BTBD8: variants seen among roughly 807,000 people sequenced by gnomAD.
BTBD8 encodes the protein BTB domain containing 8.
Under a neutral mutation model 162.9 loss-of-function variants are expected in BTBD8, and 110 were observed. The ratio of observed to expected loss-of-function variants is 0.68; its 90% CI spans 0.58 to 0.79. The LOEUF is 0.79. Among genes scored for constraint, BTBD8 ranks in the 30% least tolerant of loss-of-function variants. BTBD8 has a pLI of 0.00. For synonymous variants in BTBD8, 667 were observed against 716.1 expected, an observed-to-expected ratio of 0.93 and a Z score of 1.10; for missense variants, 1,905 against 2,085.4, an observed-to-expected ratio of 0.91 and a Z score of 1.68.
At chr1:92,081,864 G>A (rs1385027403) in intron 1 of BTBD8, among the ~76,000 whole-genome samples, 2 of 152,154 alleles carry the variant, frequency 1.3e-5, no homozygotes, top group African/African-American at 4.8e-5. Context: ...GTGAGCCACT[G>A]CGCCCAGCCA....
rs1345410401 is a variant in BTBD8, at chr1:92,133,652, A to G, written c.752+3876A>G. Among the ~76,000 whole-genome samples the G allele has an allele frequency of 2.6e-5, 4 of 152,242 alleles. No individual in the cohort carries two copies. The East Asian group carries it at 7.7e-4, about 29-fold the overall frequency. Reference sequence around the variant, plus strand: ...TATTTTTCAAGAGGAACTGCCTTCAATAATTTGAGTGTGGGGACAGCAGAA... The same window carrying G: ...TATTTTTCAAGAGGAACTGCCTTCAGTAATTTGAGTGTGGGGACAGCAGAA... On this transcript the variant is annotated intron_variant, in intron 5 of 17. Coordinates refer to ENST00000636805, the MANE Select transcript of BTBD8 (RefSeq NM_001376131.1).
In BTBD8 at chr1:92,177,506, G is replaced by T. The variant is rs1450741308; in HGVS notation, c.2313G>T (p.Met771Ile). The change falls in exon 14 of 18, where the codon ATG becomes ATT. Residue 771 changes from methionine (M) to isoleucine (I), a missense_variant. Transcript: ENST00000636805. The part of the protein sequence containing the change: ...KLSFCDSPGQ[M>I]MKNSVDSVKN... Reference sequence around the variant, plus strand: ...CCTTTTGTGATTCTCCAGGACAGATGATGAAAAACAGTGTAGATAGTGTCA... The same window carrying T: ...CCTTTTGTGATTCTCCAGGACAGATTATGAAAAACAGTGTAGATAGTGTCA... 4 of 1,549,784 alleles carry T rather than the reference G, an allele frequency of 2.6e-6. No individual in the cohort carries two copies. Among genetic ancestry groups the T allele is most frequent in the Middle Eastern group, 1.7e-4 (1 of 6,000 alleles).
intron 4 of BTBD8, among the ~76,000 whole-genome samples, chr1:92,120,908 G>A (rs1308485409): frequency 1.3e-5 from 2 of 152,070 alleles, no homozygotes; most frequent in Non-Finnish European, 2.9e-5. Flanking sequence ...GATTATAGAC[G>A]TGCACCACCA....
At chr1:92,176,669 G>C (rs1306230587) in intron 13 of BTBD8, among the ~76,000 whole-genome samples, 160 bp from the exon 14 acceptor site, 1 of 152,016 alleles carries the variant, frequency 6.6e-6, no homozygotes, top group Non-Finnish European at 1.5e-5. Context: ...CTAAGACAAA[G>C]TTTTGATCCA....
chr1:92,084,294 T>G (rs546916345), intron 1 of BTBD8, among the ~76,000 whole-genome samples: 6 of 152,312 alleles, frequency 3.9e-5, no homozygotes, highest in Non-Finnish European at 8.8e-5. Context: ...TTTCAAACCA[T>G]TTGCAGGGCA....
Position 92,088,686 on chromosome 1 carries a change from T to C in BTBD8, c.150-12T>C. The C allele has an allele frequency of 1.3e-6, 2 of 1,530,476 alleles. No homozygotes were observed. The highest frequency in any genetic ancestry group is 2.8e-5 in the African/African-American group (2 of 72,184). The allele number at this position is 1,530,476 out of a possible 1,614,324, so 94.8% of individuals were successfully genotyped here. ...CACTAATTAAACTATGATTCCTTTT[T>C]ATTCCTTATAGGCTTCTAAGGGAAG... On this transcript the variant is annotated splice_polypyrimidine_tract_variant and intron_variant, in intron 1 of 17. Coordinates refer to ENST00000636805, the MANE Select transcript of BTBD8 (RefSeq NM_001376131.1).
At position 92,141,035 on chromosome 1, in the gene BTBD8, A is replaced by G. The variant is rs147859018; in HGVS notation, c.834-80A>G. 7,203 of 1,289,580 alleles carry G rather than the reference A, an allele frequency of 5.6e-3. 31 individuals are homozygous for G. Among genetic ancestry groups the G allele is most frequent in the Non-Finnish European group, 6.7e-3 (6,530 of 971,016 alleles). The allele number at this position is 1,289,580 out of a possible 1,614,324, so 79.9% of individuals were successfully genotyped here. ...GATTATTCTTTTTTAAAAACAGACT[A>G]TATATTATCAATAAATTAGTATGTG... On this transcript the variant is annotated intron_variant, in intron 6 of 17. Coordinates refer to ENST00000636805, the MANE Select transcript of BTBD8 (RefSeq NM_001376131.1).
chr1:92,140,255 T>TC (rs972634048), intron 6 of BTBD8, among the ~76,000 whole-genome samples: 6 of 65,494 alleles, frequency 9.2e-5, no homozygotes, highest in African/African-American at 6.7e-4. Flanking sequence ...ACCCGGTTCT[T>TC]GGGGGAAAAA....
chr1:92,116,912 C>G (rs1179817987), intron 4 of BTBD8, among the ~76,000 whole-genome samples: 1 of 149,818 alleles, frequency 6.7e-6, no homozygotes, highest in Non-Finnish European at 1.5e-5. Context: ...TGCAGTGATA[C>G]GATCATAGCT....
At chr1:92,140,800 T>C (rs1649758614) in intron 6 of BTBD8, among the ~76,000 whole-genome samples, 1 of 152,256 alleles carries the variant, frequency 6.6e-6, no homozygotes, top group African/African-American at 2.4e-5. Flanking sequence ...GAGAGTTTTG[T>C]AACTTTTACA....
At chr1:92,098,876 C>T (rs1648518702) in intron 2 of BTBD8, among the ~76,000 whole-genome samples, 1 of 152,126 alleles carries the variant, frequency 6.6e-6, no homozygotes, top group South Asian at 2.1e-4. Context: ...TCTGGGTTCT[C>T]TTTTAGGGTA....
intron 12 of BTBD8, among the ~76,000 whole-genome samples, chr1:92,169,747 A>G (rs1650485016): frequency 2.6e-5 from 4 of 152,234 alleles, no homozygotes; most frequent in Admixed American, 2.6e-4. Flanking sequence ...TACTGTAAAC[A>G]TGGAAGCCAT....
At chr1:92,152,659 GA>G (rs1190309855) in intron 9 of BTBD8, among the ~76,000 whole-genome samples, 3 of 151,918 alleles carry the variant, frequency 2.0e-5, no homozygotes, top group Non-Finnish European at 4.4e-5. Context: ...TAACGAGTTT[GA>G]TTTTTTTTTT....
At chr1:92,126,345 G>A in intron 4 of BTBD8, 1 of 609,830 alleles carries the variant, frequency 1.6e-6, no homozygotes, top group Non-Finnish European at 3.2e-6. Context: ...CACAGTGGTT[G>A]TACATGGCCC....
intron 5 of BTBD8, among the ~76,000 whole-genome samples, chr1:92,132,403 A>G (rs927606073): frequency 2.0e-5 from 3 of 151,802 alleles, no homozygotes; most frequent in Admixed American, 6.6e-5. Context: ...GATGAGGTCT[A>G]TTTATTAATA....
chr1:92,093,628 C>T (rs1274282335), intron 2 of BTBD8, among the ~76,000 whole-genome samples: 1 of 152,146 alleles, frequency 6.6e-6, no homozygotes, highest in Non-Finnish European at 1.5e-5. Context: ...TAGTTTCCTC[C>T]TCTGAAAAAT....
chr1:92,157,558 C>G (rs957132355), intron 9 of BTBD8, among the ~76,000 whole-genome samples: 3 of 152,110 alleles, frequency 2.0e-5, no homozygotes, highest in Non-Finnish European at 2.9e-5. Context: ...GATTGGAGTT[C>G]AGTGGCACGA....
rs1254581072 is a variant in BTBD8, at chr1:92,176,809, AT to A, written c.1636-12del. On this transcript the variant is annotated intron_variant, in intron 13 of 17. Coordinates refer to ENST00000636805, the MANE Select transcript of BTBD8 (RefSeq NM_001376131.1). Reference sequence around the variant, plus strand: ...AAAGATTTCAGTCAAATTACAAAGTATTTTTTTTCTTTTTTATAGCAAAGGA... The same window carrying A: ...AAAGATTTCAGTCAAATTACAAAGTATTTTTTTCTTTTTTATAGCAAAGGA... The A allele has an allele frequency of 1.0e-5, 12 of 1,160,510 alleles. No individual in the cohort carries two copies. The highest frequency in any genetic ancestry group is 3.3e-5 in the Admixed American group (1 of 30,446). The allele number at this position is 1,160,510 out of a possible 1,614,324, so 71.9% of individuals were successfully genotyped here.
intron 3 of BTBD8, among the ~76,000 whole-genome samples, chr1:92,104,035 G>A (rs948772378): frequency 1.3e-5 from 2 of 152,214 alleles, no homozygotes; most frequent in African/African-American, 2.4e-5. Context: ...GTGTGCAGGT[G>A]CATGGCTCAG....
Sources: allele counts gnomAD v4.1 joint callset (sites outside exome capture counted in the v4.1 genomes callset), GRCh38; gene constraint gnomAD v4.1.1; transcripts MANE v1.5; gene names NCBI Gene and HGNC (gene_info 2026-07-23, HGNC 2026-07-21).